The following YEATS4 variants were observed in gnomAD, a reference collection of about 807,000 sequenced individuals.
YEATS4 encodes the protein YEATS domain containing 4, also known as YEATS domain-containing protein 4.
A neutral mutation model predicts 30.1 loss-of-function variants in YEATS4; 17 were observed. The ratio of observed to expected loss-of-function variants is 0.56; its 90% confidence interval spans 0.39 to 0.85. The LOEUF (loss-of-function observed/expected upper bound fraction) is 0.85. Among genes scored for constraint, YEATS4 ranks in the 40% least tolerant of loss-of-function variants. YEATS4 has a pLI of 0.00. For synonymous variants in YEATS4, 85 were observed against 87.5 expected, an observed-to-expected ratio of 0.97 and a Z score of 0.16; for missense variants, 142 against 268.3, an observed-to-expected ratio of 0.53 and a Z score of 3.29.
At chr12:69,371,103 G>T in intron 6 of YEATS4, 128 bp downstream of exon 6, 1 of 830,238 alleles carries the variant, frequency 1.2e-6, no homozygotes. Context: ...AAAAAACACA[G>T]TTTGTATTAC....
chr12:69,374,142 T>G (rs1020722762), intron 6 of YEATS4, among the ~76,000 whole-genome samples: 5 of 151,222 alleles, frequency 3.3e-5, no homozygotes, highest in Non-Finnish European at 7.4e-5. Flanking sequence ...TAGGTTTTGT[T>G]TTTTTTTTTC....
At chr12:69,389,331 T>C (rs1282038646) in intron 6 of YEATS4, among the ~76,000 whole-genome samples, 4 of 150,640 alleles carry the variant, frequency 2.7e-5, no homozygotes, top group Non-Finnish European at 4.4e-5. Flanking sequence ...GCACCTGTAG[T>C]CCCAACTACT....
chr12:69,397,734 G>A, the YEATS4 span, among the ~76,000 whole-genome samples: 1 of 152,160 alleles, frequency 6.6e-6, no homozygotes, highest in Non-Finnish European at 1.5e-5. Flanking sequence ...TGTAAGAGGA[G>A]ACTAAGACAC....
chr12:69,360,808 T>A (rs12830806), intron 1 of YEATS4, among the ~76,000 whole-genome samples: 7,367 of 151,450 alleles, frequency 0.049, 465 homozygotes, highest in East Asian at 0.28. Context: ...CGTGGTTCAT[T>A]CTTTTTAAAG....
chr12:69,359,943 T>TGGC lies in YEATS4; in HGVS notation c.-20_-18dup, dbSNP rs769841093. ...CCCCGCCAGCCCCGGTCTCTTTCCC[T>TGGC]GGCGGCGGCGGCTTCTTCCGTGGGA... On this transcript the variant is annotated 5_prime_UTR_variant, in exon 1 of 7. Transcript: ENST00000247843. The TGGC allele has an allele frequency of 1.5e-4, 247 of 1,611,818 alleles. 2 individuals are homozygous for TGGC. The African/African-American group carries it at 2.6e-3, about 17-fold the overall frequency.
At chr12:69,385,043 GCT>G (rs1201993249) in intron 6 of YEATS4, among the ~76,000 whole-genome samples, 1 of 151,856 alleles carries the variant, frequency 6.6e-6, no homozygotes, top group African/African-American at 2.4e-5. Flanking sequence ...ACAGGTTCTC[GCT>G]CTGTCACTCA....
At chr12:69,396,824 C>A in the YEATS4 span, among the ~76,000 whole-genome samples, 2 of 152,298 alleles carry the variant, frequency 1.3e-5, no homozygotes, top group South Asian at 2.1e-4. Context: ...TACAAAGTTT[C>A]TCTTTGTTCT....
At chr12:69,375,614 T>C (rs1218332244) in intron 6 of YEATS4, among the ~76,000 whole-genome samples, 1 of 151,966 alleles carries the variant, frequency 6.6e-6, no homozygotes, top group African/African-American at 2.4e-5. Flanking sequence ...CTGGGCAACA[T>C]TGAGCACTGA....
At chr12:69,392,497 T>C (rs1410000045), downstream of YEATS4, among the ~76,000 whole-genome samples, 1 of 152,258 alleles carries the variant, frequency 6.6e-6, no homozygotes, top group Non-Finnish European at 1.5e-5. Context: ...AACTAATGAA[T>C]GCATTTTTTA....
intron 6 of YEATS4, among the ~76,000 whole-genome samples, chr12:69,385,791 C>G (rs1470616907): frequency 6.6e-6 from 1 of 152,128 alleles, no homozygotes; most frequent in Non-Finnish European, 1.5e-5. Context: ...TTACTATGTA[C>G]CTGACAAGCA....
At chr12:69,396,552 T>C in the YEATS4 span, among the ~76,000 whole-genome samples, 1 of 152,188 alleles carries the variant, frequency 6.6e-6, no homozygotes, top group Non-Finnish European at 1.5e-5. Flanking sequence ...TTTTGGCTCA[T>C]TCTGGTTAAA....
the YEATS4 span, among the ~76,000 whole-genome samples, chr12:69,414,097 A>G: frequency 6.6e-6 from 1 of 152,206 alleles, no homozygotes; most frequent in Non-Finnish European, 1.5e-5. Flanking sequence ...CTCATCTCAC[A>G]AGATCATCAT....
At chr12:69,401,339 A>G in the YEATS4 span, 3 of 152,282 alleles carry the variant, frequency 2.0e-5, no homozygotes. Flanking sequence ...CTATGTCTAC[A>G]TAATTTCATG....
intron 1 of YEATS4, 142 bp downstream of exon 1, chr12:69,360,165 C>G (rs900915780): frequency 5.2e-6 from 5 of 956,804 alleles, no homozygotes; most frequent in African/African-American, 5.1e-5. Context: ...GAGAGCGAGT[C>G]AGAGCCATTG....
chr12:69,393,989 GTTTTA>G (rs1265736119), downstream of YEATS4, among the ~76,000 whole-genome samples: 1 of 152,134 alleles, frequency 6.6e-6, no homozygotes, highest in Non-Finnish European at 1.5e-5. Flanking sequence ...TTACTTGTAT[GTTTTA>G]TTTTAATAAT....
the YEATS4 span, among the ~76,000 whole-genome samples, chr12:69,420,917 T>C: frequency 1.9e-4 from 29 of 152,346 alleles, no homozygotes; most frequent in Admixed American, 5.2e-4. Flanking sequence ...TGAGGTCTTT[T>C]GTGTCTTTCA....
the YEATS4 span, among the ~76,000 whole-genome samples, chr12:69,411,595 A>C: frequency 6.6e-6 from 1 of 152,350 alleles, no homozygotes; most frequent in Non-Finnish European, 1.5e-5. Flanking sequence ...ATACGGGAAA[A>C]AGAAAATTTG....
At chr12:69,395,854 C>A (rs780758948), downstream of YEATS4, among the ~76,000 whole-genome samples, 1 of 152,032 alleles carries the variant, frequency 6.6e-6, no homozygotes, top group Non-Finnish European at 1.5e-5. Context: ...CCGGTGAACT[C>A]GGATAAATAA....
chr12:69,400,617 G>C, the YEATS4 span, among the ~76,000 whole-genome samples: 2 of 151,676 alleles, frequency 1.3e-5, no homozygotes, highest in East Asian at 3.9e-4. Flanking sequence ...GGAGGCTAAG[G>C]CATGAGGATC....
Sources: gnomAD v4.1 joint callset for allele counts (sites outside exome capture counted in the v4.1 genomes callset) on GRCh38, gnomAD v4.1.1 for gene constraint, MANE v1.5 for transcripts, NCBI Gene and HGNC (gene_info 2026-07-23, HGNC 2026-07-21) for gene names.